NUCKS1: variants seen among roughly 807,000 people sequenced by gnomAD.
NUCKS1 encodes nuclear ubiquitous casein and cyclin-dependent kinase substrate 1.
A neutral mutation model predicts 33.0 loss-of-function variants in NUCKS1; 2 were observed. The ratio of observed to expected loss-of-function variants is 0.06; its 90% CI spans 0.02 to 0.19. NUCKS1 has a LOEUF of 0.19. Ranked by LOEUF, NUCKS1 falls within the 10% of genes least tolerant of loss-of-function variation. NUCKS1 has a pLI of 1.00. For missense variants in NUCKS1, 201 were observed against 293.6 expected (o/e 0.68, Z 2.31); for synonymous variants, 106 against 102.8 (o/e 1.03, Z -0.19).
Position 205,750,052 on chromosome 1 carries a change from C to G in NUCKS1, c.-79G>C. On this transcript the variant is annotated 5_prime_UTR_variant, in exon 1 of 7. Coordinates refer to ENST00000367142, the MANE Select transcript of NUCKS1 (RefSeq NM_022731.5). ...ACCCCGCGCGCTCGGCGCCCCACCC[C>G]CCCCGAACTTCAGCCGATGGGACCG... The G allele has an allele frequency of 7.8e-7, 1 of 1,277,230 alleles. No individual in the cohort carries two copies. Among genetic ancestry groups the G allele is most frequent in the Non-Finnish European group, 1.0e-6 (1 of 961,264 alleles). The allele number at this position is 1,277,230 out of a possible 1,614,324, so 79.1% of individuals were successfully genotyped here.
At chr1:205,746,940 GGA>G (rs1654347281) in intron 1 of NUCKS1, among the ~76,000 whole-genome samples, 1 of 152,146 alleles carries the variant, frequency 6.6e-6, no homozygotes, top group African/African-American at 2.4e-5. Flanking sequence ...GAGGATCTCT[GGA>G]GAGTGTAACA....
intron 4 of NUCKS1, among the ~76,000 whole-genome samples, chr1:205,722,373 C>T (rs532698139): frequency 4.5e-4 from 69 of 152,312 alleles, no homozygotes; most frequent in African/African-American, 1.5e-3. Flanking sequence ...TCTCCTGCCT[C>T]GGCCTCCCGA....
At chr1:205,726,699 T>C (rs936433129) in intron 3 of NUCKS1, among the ~76,000 whole-genome samples, 2 of 152,238 alleles carry the variant, frequency 1.3e-5, no homozygotes, top group Non-Finnish European at 2.9e-5. Context: ...TTTGTCCATT[T>C]GCTGGATAAC....
intron 1 of NUCKS1, among the ~76,000 whole-genome samples, chr1:205,742,414 A>G (rs1192634170): frequency 6.6e-6 from 1 of 152,252 alleles, no homozygotes. Context: ...AAACATGGCA[A>G]TATAACTGTA....
intron 1 of NUCKS1, among the ~76,000 whole-genome samples, chr1:205,741,144 C>CA (rs1423330135): frequency 6.6e-6 from 1 of 150,724 alleles, no homozygotes; most frequent in Non-Finnish European, 1.5e-5. Context: ...ACTAAAAATA[C>CA]AAAAAATTAG....
rs781306992 is a variant in NUCKS1 at position 205,720,614 on chromosome 1, C to T, written c.269G>A (p.Arg90His). The T allele has an allele frequency of 3.1e-6, 5 of 1,613,958 alleles. No individual in the cohort carries two copies. Among genetic ancestry groups the T allele is most frequent in the Non-Finnish European group, 4.2e-6 (5 of 1,179,972 alleles). Residue 90 changes from arginine (R) to histidine (H), a missense_variant, in exon 5 of 7, where the codon CGC (arginine) becomes CAC (histidine). Physicochemically the swap from Arg to His is conservative, Grantham distance 29 (BLOSUM62 0). Transcript: ENST00000367142. Reference protein sequence around the residue: ...EDEKEDHKNVRQQRQAASKAA... With the variant: ...EDEKEDHKNVHQQRQAASKAA... ...TTTAGATGCCGCCTGCCGTTGTTGG[C>T]GCACATTTTTATGATCTTCTTTTTC...
intron 2 of NUCKS1, among the ~76,000 whole-genome samples, 194 bp from the exon 3 acceptor site, chr1:205,727,999 A>G (rs536859566): frequency 6.6e-6 from 1 of 152,198 alleles, no homozygotes; most frequent in South Asian, 2.1e-4. Context: ...GTTTTTGCAT[A>G]TTACCCTCTA....
chr1:205,730,779 G>C (rs1246945706), intron 1 of NUCKS1, among the ~76,000 whole-genome samples: 2 of 152,040 alleles, frequency 1.3e-5, no homozygotes, highest in Admixed American at 6.6e-5. Context: ...CACCGTGCCC[G>C]GTCTCAAATA....
In NUCKS1 at chr1:205,744,923, C is replaced by T. The variant is rs988521320; in HGVS notation, c.17+5034G>A. On this transcript the variant is annotated intron_variant, in intron 1 of 6. Transcript: ENST00000367142. ...CTGGGATTACAGGCATGAGCCACCG[C>T]GCCTGGCCCTCACGAGAGATATTAA... Among the ~76,000 whole-genome samples, 15 of 152,156 alleles carry T rather than the reference C, an allele frequency of 9.9e-5. 1 individual carries two copies. Among genetic ancestry groups the T allele is most frequent in the South Asian group, 4.1e-4 (2 of 4,826 alleles).
chr1:205,731,383 C>T (rs1423018569), intron 1 of NUCKS1: 1 of 152,224 alleles, frequency 6.6e-6, no homozygotes, highest in Non-Finnish European at 1.5e-5. Context: ...ACTTTAAGTA[C>T]TCCCTATCAA....
rs1261487583 is a variant in NUCKS1 at position 205,736,396 on chromosome 1, G to C, written c.18-6775C>G. On this transcript the variant is annotated intron_variant, in intron 1 of 6. Transcript: ENST00000367142. ...GGGGTGGGAGATATGGTGGTGCTGA[G>C]AGTATTATATGTAGTAGAGCTACTG... Among the ~76,000 whole-genome samples the C allele has an allele frequency of 7.9e-5, 12 of 152,232 alleles. No homozygotes were observed. The East Asian group carries it at 2.3e-3, about 29-fold the overall frequency.
intron 2 of NUCKS1, among the ~76,000 whole-genome samples, chr1:205,728,809 T>C (rs2102436229): frequency 6.6e-6 from 1 of 152,332 alleles, no homozygotes; most frequent in Non-Finnish European, 1.5e-5. Context: ...ATGAATTAGT[T>C]CATAAATATA....
In NUCKS1 at chr1:205,717,739, A is replaced by T; in HGVS notation, c.*541T>A. ...GAAGTTTAAAGTCATGATTTTTTTTAGACATTGATACTTGTGTCTATAGAC... is the reference window on the plus strand; with the variant it reads ...GAAGTTTAAAGTCATGATTTTTTTTTGACATTGATACTTGTGTCTATAGAC... On this transcript the variant is annotated 3_prime_UTR_variant, in exon 7 of 7. Coordinates refer to ENST00000367142, the MANE Select transcript of NUCKS1 (RefSeq NM_022731.5). 1.0e-6 allele frequency: 1 copy of T among 985,020 alleles called. No homozygotes were observed. Among genetic ancestry groups the T allele is most frequent in the Non-Finnish European group, 1.2e-6 (1 of 829,600 alleles). The allele number at this position is 985,020 out of a possible 1,614,324, so 61.0% of individuals were successfully genotyped here.
chr1:205,737,868 A>C (rs942766070), intron 1 of NUCKS1, among the ~76,000 whole-genome samples: 1 of 152,234 alleles, frequency 6.6e-6, no homozygotes, highest in Non-Finnish European at 1.5e-5. Context: ...TTGTCAAAAT[A>C]GGTTTTCTAA....
At position 205,714,013 on chromosome 1, in the gene NUCKS1, T is replaced by C. The variant is rs1297854894; in HGVS notation, c.*4267A>G. On this transcript the variant is annotated 3_prime_UTR_variant, in exon 7 of 7. Coordinates refer to ENST00000367142, the MANE Select transcript of NUCKS1 (RefSeq NM_022731.5). ...TTTCTTTAACCTTGTAGGAATTAGA[T>C]GCATAAGGTTTGCTGCAACATGTTC... is the stretch of plus-strand genomic sequence containing the variant. 6.6e-6 allele frequency: 1 copy of C among 152,184 alleles called. No individual in the cohort carries two copies. Among genetic ancestry groups the C allele is most frequent in the East Asian group, 1.9e-4 (1 of 5,202 alleles). The allele number at this position is 152,184 out of a possible 1,614,324, so 9.4% of individuals were successfully genotyped here.
At position 205,719,551 on chromosome 1, in the gene NUCKS1, G is replaced by A. The variant is rs913280260; in HGVS notation, c.508C>T (p.Pro170Ser). Residue 170 changes from proline (P) to serine (S), a missense_variant, in exon 6 of 7, where the codon CCC (proline) becomes TCC (serine). Coordinates refer to ENST00000367142, the MANE Select transcript of NUCKS1 (RefSeq NM_022731.5). Reference protein sequence around the residue: ...SKPERKEKKMPKPRLKATVTP... With the variant: ...SKPERKEKKMSKPRLKATVTP... ...CCTGTAGCCTTTAGTCTGGGTTTGG[G>A]CATTTTCTTTTCTTTTCTTTCAGGT... 3.1e-6 allele frequency: 5 copies of A among 1,609,582 alleles called. No homozygotes were observed. The highest frequency in any genetic ancestry group is 4.2e-6 in the Non-Finnish European group (5 of 1,179,040).
chr1:205,746,317 AT>A (rs2102450884), intron 1 of NUCKS1, among the ~76,000 whole-genome samples: 1 of 152,262 alleles, frequency 6.6e-6, no homozygotes, highest in South Asian at 2.1e-4. Flanking sequence ...TAACTCCCCC[AT>A]TATTCAGGCA....
intron 1 of NUCKS1, among the ~76,000 whole-genome samples, chr1:205,748,514 A>T (rs1654387086): frequency 6.6e-6 from 1 of 152,256 alleles, no homozygotes; most frequent in South Asian, 2.1e-4. Context: ...TGAAAGAGCT[A>T]TCCAGACTCC....
chr1:205,749,063 C>T (rs971922299), intron 1 of NUCKS1, among the ~76,000 whole-genome samples: 4 of 152,090 alleles, frequency 2.6e-5, no homozygotes, highest in Non-Finnish European at 5.9e-5. Context: ...GAACCTAGCC[C>T]TTTTATTACT....
Sources: gnomAD v4.1 joint callset for allele counts (sites outside exome capture counted in the v4.1 genomes callset) on GRCh38, gnomAD v4.1.1 for gene constraint, MANE v1.5 for transcripts, NCBI Gene and HGNC (gene_info 2026-07-23, HGNC 2026-07-21) for gene names.